Variants in CLEC1B observed in about 807,000 individuals in gnomAD.
CLEC1B encodes the protein C-type lectin domain family 1 member B, also known as C-type lectin-like receptor 2.
A neutral mutation model predicts 26.7 loss-of-function variants in CLEC1B; 26 were observed. The observed-to-expected ratio is 0.97, with a 90% confidence interval of 0.71 to 1.35. The LOEUF is 1.35. Among genes scored for constraint, CLEC1B ranks in the 40% most tolerant of loss-of-function variants. CLEC1B has a pLI of 0.00. For missense variants in CLEC1B, 293 were observed against 282.6 expected, an observed-to-expected ratio of 1.04 and a Z score of -0.26; for synonymous variants, 112 against 96.0, an observed-to-expected ratio of 1.17 and a Z score of -0.97.
At chr12:10,000,378 T>C (rs1252458049), upstream of CLEC1B, among the ~76,000 whole-genome samples, 1 of 152,194 alleles carries the variant, frequency 6.6e-6, no homozygotes, top group Non-Finnish European at 1.5e-5. Context: ...TTCTCTATAC[T>C]CTTCAAATTA....
intron 5 of CLEC1B, among the ~76,000 whole-genome samples, chr12:9,993,691 T>C (rs547680222): frequency 6.6e-6 from 1 of 152,206 alleles, no homozygotes; most frequent in East Asian, 1.9e-4. Flanking sequence ...CTGCACTAGA[T>C]GGGAATACGC....
At chr12:10,000,080 G>A (rs935538), upstream of CLEC1B, among the ~76,000 whole-genome samples, 66,397 of 152,044 alleles carry the variant, frequency 0.44, 14,787 homozygotes, top group Non-Finnish European at 0.45. Flanking sequence ...TTTGCCATAG[G>A]GTAACTCTTA....
chr12:9,998,038 C>T (rs1469327923), intron 2 of CLEC1B, among the ~76,000 whole-genome samples: 1 of 152,146 alleles, frequency 6.6e-6, no homozygotes, highest in African/African-American at 2.4e-5. Flanking sequence ...TGAGGAGGGT[C>T]TTAAAGGCCA....
At chr12:9,998,618 G>T (rs560045314) in intron 1 of CLEC1B, among the ~76,000 whole-genome samples, 225 of 119,268 alleles carry the variant, frequency 1.9e-3, no homozygotes, top group African/African-American at 6.9e-3. Context: ...AATATTACTT[G>T]CTGTTAAGGC....
intron 4 of CLEC1B, among the ~76,000 whole-genome samples, chr12:9,996,389 A>G (rs1865047826): frequency 6.6e-6 from 1 of 152,216 alleles, no homozygotes. Flanking sequence ...ATATGCATAT[A>G]TGTCTCGAAT....
At chr12:9,995,110 C>T (rs766824791) in intron 5 of CLEC1B, 30 bp downstream of exon 5, 2 of 1,606,206 alleles carry the variant, frequency 1.2e-6, no homozygotes, top group East Asian at 4.5e-5. Flanking sequence ...TTCCAGTACT[C>T]CCTCCTATTC....
intron 4 of CLEC1B, 62 bp downstream of exon 4, chr12:9,996,784 A>G (rs1251679172): frequency 1.9e-6 from 3 of 1,554,446 alleles, no homozygotes; most frequent in Non-Finnish European, 2.7e-6. Flanking sequence ...AAAAAGGTCA[A>G]GTGTTACATT....
chr12:9,996,725 T>C (rs757286999), intron 4 of CLEC1B, 121 bp downstream of exon 4: 12 of 971,858 alleles, frequency 1.2e-5, no homozygotes, highest in Non-Finnish European at 1.8e-5. Context: ...TTCACAAGGG[T>C]CTTAGATTAG....
upstream of CLEC1B, chr12:9,999,137 T>C (rs752684863): frequency 2.8e-6 from 4 of 1,445,862 alleles, no homozygotes; most frequent in South Asian, 2.4e-5. Context: ...CAGAGTTCAA[T>C]GACTTTGCAA....
intron 5 of CLEC1B, among the ~76,000 whole-genome samples, chr12:9,994,028 A>G (rs748377711): frequency 5.9e-5 from 9 of 152,120 alleles, no homozygotes; most frequent in Non-Finnish European, 1.3e-4. Context: ...AAAAATTGAG[A>G]CAGTGGTAAG....
intron 4 of CLEC1B, 103 bp from the exon 5 acceptor site, chr12:9,995,349 AC>A: frequency 1.1e-6 from 1 of 895,594 alleles, no homozygotes; most frequent in Non-Finnish European, 1.9e-6. Context: ...ATGTTGGATT[AC>A]ATGTCTATAT....
At position 9,993,188 on chromosome 12, in the gene CLEC1B, C is replaced by T. The variant is rs772928618; in HGVS notation, c.645G>A (p.Met215Ile). ...TGGTCATGCCAGCCTTCCTCTCACA[C>T]ATTAAATAATGTTTGTTCTCACAGA... Reference protein sequence around the residue: ...PTFCENKHYLMCERKAGMTKV... With the variant: ...PTFCENKHYLICERKAGMTKV... Residue 215 changes from methionine to isoleucine, a missense_variant, in exon 6 of 6, where the codon ATG (methionine) becomes ATA (isoleucine). Met to Ile is a conservative substitution (Grantham distance 10, BLOSUM62 1). Coordinates refer to ENST00000298527, the MANE Select transcript of CLEC1B (RefSeq NM_016509.4). 3.7e-6 allele frequency: 6 copies of T among 1,612,494 alleles called. No homozygotes were observed. Among genetic ancestry groups the T allele is most frequent in the Non-Finnish European group, 5.1e-6 (6 of 1,179,140 alleles).
At chr12:9,994,924 A>C in intron 5 of CLEC1B, 1 of 1,243,462 alleles carries the variant, frequency 8.0e-7, no homozygotes. Flanking sequence ...ATAATATCAG[A>C]GATAAAGGTG....
At chr12:9,997,139 G>T in intron 3 of CLEC1B, 21 bp downstream of exon 3, 1 of 1,613,484 alleles carries the variant, frequency 6.2e-7, no homozygotes, top group South Asian at 1.1e-5. Context: ...GAGATGAAGA[G>T]GTTAAAAAAA....
chr12:10,000,952 C>T (rs556215863), upstream of CLEC1B, among the ~76,000 whole-genome samples: 1 of 152,180 alleles, frequency 6.6e-6, no homozygotes, highest in South Asian at 2.1e-4. Flanking sequence ...GACAAAGTAA[C>T]AGAGAGAAAA....
At chr12:9,995,078 A>G in intron 5 of CLEC1B, 62 bp downstream of exon 5, 1 of 1,602,604 alleles carries the variant, frequency 6.2e-7, no homozygotes, top group Non-Finnish European at 8.5e-7. Context: ...CTGAGAGAAG[A>G]GGGAATCTCA....
chr12:9,995,476 ATCT>A (rs531885654), intron 4 of CLEC1B: 10 of 460,232 alleles, frequency 2.2e-5, no homozygotes, highest in Non-Finnish European at 4.0e-5. Context: ...TGATATTCTA[ATCT>A]TCTTTTGTGT....
chr12:9,993,395 G>GC, intron 5 of CLEC1B, 108 bp from the exon 6 acceptor site: 5 of 588,794 alleles, frequency 8.5e-6, no homozygotes, highest in Non-Finnish European at 1.3e-5. Flanking sequence ...GAGGAAAATA[G>GC]GAAAAAAAAA....
upstream of CLEC1B, among the ~76,000 whole-genome samples, chr12:9,999,905 G>T (rs1406774316): frequency 6.6e-6 from 1 of 152,084 alleles, no homozygotes; most frequent in African/African-American, 2.4e-5. Context: ...AGACTGAATG[G>T]TTCCTAGCAC....
Sources: gnomAD v4.1 joint callset for allele counts (sites outside exome capture counted in the v4.1 genomes callset) on GRCh38, gnomAD v4.1.1 for gene constraint, MANE v1.5 for transcripts, NCBI Gene and HGNC (gene_info 2026-07-23, HGNC 2026-07-21) for gene names.